THEMIS: variants seen among roughly 807,000 people sequenced by gnomAD.
THEMIS encodes the protein thymocyte selection associated.
In THEMIS, 37 loss-of-function variants were observed where a neutral mutation model predicts 52.6. The observed-to-expected ratio is 0.70, with a 90% CI of 0.54 to 0.93. The LOEUF is 0.93. THEMIS is among the 40% of genes least tolerant of loss of function. The pLI, the probability that THEMIS is intolerant of heterozygous loss-of-function variation, is 0.00. For missense variants in THEMIS, 808 were observed against 763.1 expected (o/e 1.06, Z -0.69); for synonymous variants, 292 against 272.7 (o/e 1.07, Z -0.70).
At chr6:127,915,237 T>C (rs1304106248) in intron 1 of THEMIS, among the ~76,000 whole-genome samples, 1 of 99,138 alleles carries the variant, frequency 1.0e-5, no homozygotes, top group African/African-American at 3.1e-5. Flanking sequence ...GATGACAGTA[T>C]AGTATCATTT....
At chr6:127,795,865 G>A (rs915275545) in intron 4 of THEMIS, among the ~76,000 whole-genome samples, 2 of 152,106 alleles carry the variant, frequency 1.3e-5, no homozygotes, top group South Asian at 4.1e-4. Context: ...AACTGATACT[G>A]GTTTAAGACA....
chr6:127,734,902 T>TAC (rs1774944240), intron 4 of THEMIS, among the ~76,000 whole-genome samples: 1 of 118,340 alleles, frequency 8.5e-6, no homozygotes, highest in East Asian at 2.2e-4. Flanking sequence ...AAAAAATATA[T>TAC]ATATATATAT....
chr6:127,772,883 T>C (rs939769272), intron 4 of THEMIS, among the ~76,000 whole-genome samples: 2 of 152,162 alleles, frequency 1.3e-5, no homozygotes, highest in Admixed American at 6.5e-5. Context: ...AAAGAATTAT[T>C]ACTCTATAGA....
At position 127,829,476 on chromosome 6, in the gene THEMIS, A is replaced by G. The variant is rs1403721103; in HGVS notation, c.709T>C (p.Phe237Leu). 9 of 1,594,786 alleles carry G rather than the reference A, an allele frequency of 5.6e-6. No individual in the cohort carries two copies. Among genetic ancestry groups the G allele is most frequent in the African/African-American group, 1.3e-5 (1 of 74,326 alleles). The stretch of plus-strand genomic sequence containing the variant: ...AACATCATTCTCAGTGGATACTCAC[A>G]TTTCATCACACCTTGAATTTCATAA... Reference protein sequence around the residue: ...PVYEIQGVMKFRKDIIRILPS... With the variant: ...PVYEIQGVMKLRKDIIRILPS... The change falls in exon 3 of 6, where the codon TTT becomes CTT. Residue 237 changes from phenylalanine (F) to leucine (L), a missense_variant and splice_region_variant. Transcript: ENST00000368248.
chr6:127,893,390 C>CCATA (rs1324468612), intron 1 of THEMIS, among the ~76,000 whole-genome samples: 4 of 152,126 alleles, frequency 2.6e-5, no homozygotes, highest in Admixed American at 2.6e-4. Flanking sequence ...TCTTTATATG[C>CCATA]CATAGCTCAA....
rs975107515 is a variant in THEMIS at position 127,886,023 on chromosome 6, T to A, written c.91+14819A>T. On this transcript the variant is annotated intron_variant, in intron 1 of 5. Coordinates refer to ENST00000368248, the MANE Select transcript of THEMIS (RefSeq NM_001010923.3). Reference sequence around the variant, plus strand: ...ATATGTGGTTCTCCACCATTTTGTCTCTCATATCGTTTCTGATCACTCTCC... The same window carrying A: ...ATATGTGGTTCTCCACCATTTTGTCACTCATATCGTTTCTGATCACTCTCC... 3.3e-5 allele frequency among the ~76,000 whole-genome samples: 5 copies of A among 152,122 alleles called. 1 individual carries two copies. In the East Asian group the frequency reaches 9.6e-4, roughly 29 times the overall value.
At chr6:127,718,770 C>G (rs151318058) in intron 5 of THEMIS, among the ~76,000 whole-genome samples, 264 of 151,994 alleles carry the variant, frequency 1.7e-3, no homozygotes, top group Middle Eastern at 6.8e-3. Context: ...TCATTTTTCT[C>G]TCTCGGAGAG....
intron 1 of THEMIS, among the ~76,000 whole-genome samples, chr6:127,880,030 C>A (rs1363310244): frequency 6.6e-6 from 1 of 152,184 alleles, no homozygotes; most frequent in Non-Finnish European, 1.5e-5. Flanking sequence ...AATGCATGTA[C>A]AGTTGATCTG....
At chr6:127,812,777 T>C (rs956020026) in intron 4 of THEMIS, 106 bp downstream of exon 4, 8 of 1,140,312 alleles carry the variant, frequency 7.0e-6, no homozygotes, top group Non-Finnish European at 8.8e-6. Context: ...ATTGCAAATA[T>C]GGCATGAAAG....
chr6:127,870,402 T>C (rs1780121266), intron 1 of THEMIS, among the ~76,000 whole-genome samples: 1 of 152,094 alleles, frequency 6.6e-6, no homozygotes, highest in Admixed American at 6.6e-5. Context: ...TTGGCAATAA[T>C]GAGACACTGC....
At chr6:127,788,775 C>T (rs1347587705) in intron 4 of THEMIS, among the ~76,000 whole-genome samples, 1 of 152,028 alleles carries the variant, frequency 6.6e-6, no homozygotes, top group Non-Finnish European at 1.5e-5. Flanking sequence ...CCTCACTAAC[C>T]CCTCCCTACT....
chr6:127,858,389 G>C (rs1209702336), intron 1 of THEMIS, among the ~76,000 whole-genome samples: 2 of 151,984 alleles, frequency 1.3e-5, no homozygotes, highest in Admixed American at 1.3e-4. Context: ...AACCAAGAAA[G>C]CTGTTAACTC....
intron 1 of THEMIS, among the ~76,000 whole-genome samples, chr6:127,898,994 G>C (rs1015201874): frequency 6.6e-6 from 1 of 151,700 alleles, no homozygotes; most frequent in African/African-American, 2.4e-5. Flanking sequence ...ATAGAGAGGG[G>C]TTGGTTGATT....
chr6:127,816,945 C>T, intron 3 of THEMIS, among the ~76,000 whole-genome samples: 1 of 152,148 alleles, frequency 6.6e-6, no homozygotes, highest in Non-Finnish European at 1.5e-5. Context: ...CAGCCAACTC[C>T]TCTTCTTCTT....
chr6:127,815,010 A>T (rs1338522068), intron 3 of THEMIS, among the ~76,000 whole-genome samples: 1 of 152,094 alleles, frequency 6.6e-6, no homozygotes, highest in Non-Finnish European at 1.5e-5. Flanking sequence ...ATTAGAAAAA[A>T]TTAGCTGAAT....
intron 1 of THEMIS, among the ~76,000 whole-genome samples, chr6:127,887,771 T>A (rs1344713806): frequency 1.3e-5 from 2 of 152,166 alleles, no homozygotes; most frequent in Admixed American, 1.3e-4. Context: ...AAATCGATGA[T>A]GATTATACAA....
Position 127,822,032 on chromosome 6 carries a change from T to A in THEMIS, c.709+7444A>T, listed in dbSNP as rs1334900261. Among the ~76,000 whole-genome samples, 3 of 151,964 alleles carry A rather than the reference T, an allele frequency of 2.0e-5. No homozygotes were observed. The East Asian group carries it at 5.8e-4, about 29-fold the overall frequency. On this transcript the variant is annotated intron_variant, in intron 3 of 5. Coordinates refer to ENST00000368248, the MANE Select transcript of THEMIS (RefSeq NM_001010923.3). ...CTCCATTATTATTTAATAATAATAA[T>A]CTCTATATTTGTTAGACATTTTTAC... is the stretch of plus-strand genomic sequence containing the variant.
chr6:127,769,226 A>C (rs1776294730), intron 4 of THEMIS, among the ~76,000 whole-genome samples: 1 of 152,204 alleles, frequency 6.6e-6, no homozygotes, highest in South Asian at 2.1e-4. Context: ...TAATTGTGTA[A>C]GTCATTTGAA....
At chr6:127,731,361 G>T (rs1210785526) in intron 4 of THEMIS, among the ~76,000 whole-genome samples, 1 of 151,812 alleles carries the variant, frequency 6.6e-6, no homozygotes, top group East Asian at 1.9e-4. Context: ...ACATAATCAC[G>T]TAAATATAAT....
Sources: allele counts gnomAD v4.1 joint callset (sites outside exome capture counted in the v4.1 genomes callset), GRCh38; gene constraint gnomAD v4.1.1; transcripts MANE v1.5; gene names NCBI Gene and HGNC (gene_info 2026-07-23, HGNC 2026-07-21).